The following COL5A3 variants were observed in gnomAD, a reference collection of about 807,000 sequenced individuals.
The protein encoded by COL5A3 is collagen alpha-3(V) chain.
COL5A3 carries 172 observed loss-of-function variants against 250.0 expected under a neutral mutation model. That is an observed-to-expected ratio of 0.69 (90% CI 0.61 to 0.78). COL5A3 has a LOEUF of 0.78. COL5A3 is among the 30% of genes least tolerant of loss of function. The pLI is 0.00. For missense variants in COL5A3, 2,340 were observed against 2,334.4 expected, an observed-to-expected ratio of 1.00 and a Z score of -0.05; for synonymous variants, 937 against 900.4, an observed-to-expected ratio of 1.04 and a Z score of -0.73.
Position 9,967,333 on chromosome 19 carries a change from C to G in COL5A3, c.4458+14G>C. On this transcript the variant is annotated intron_variant, in intron 62 of 66. Transcript: ENST00000264828. ...GGTTTTGGTGTCCATTCCCCCGCCC[C>G]CCGGGGAACTCACCGGGGGGCCTGG... 2 of 1,425,404 alleles carry G rather than the reference C, an allele frequency of 1.4e-6. No individual in the cohort carries two copies. The highest frequency in any genetic ancestry group is 1.7e-5 in the South Asian group (1 of 60,466). 88.3% of individuals were successfully genotyped at this position (1,425,404 alleles called of 1,614,324 possible). A position where few individuals can be genotyped will look rare whatever the true frequency, so the allele number is the denominator to read the frequency against.
rs750139945 is a variant in COL5A3, at chr19:9,985,717, T to C, written c.2406+125A>G. On this transcript the variant is annotated intron_variant, in intron 31 of 66. Transcript: ENST00000264828. Reference sequence around the variant, plus strand: ...CACTATGCCTGGCCAAAGCCCACATTTTACATTCTCTCAGTGACCCTTGGG... The same window carrying C: ...CACTATGCCTGGCCAAAGCCCACATCTTACATTCTCTCAGTGACCCTTGGG... The C allele has an allele frequency of 1.2e-4, 104 of 864,158 alleles. No homozygotes were observed. The highest frequency in any genetic ancestry group is 1.9e-4 in the Non-Finnish European group (102 of 538,090). 53.5% of individuals were successfully genotyped at this position (864,158 alleles called of 1,614,324 possible). A position where few individuals can be genotyped will look rare whatever the true frequency, so the allele number is the denominator to read the frequency against.
In COL5A3 at chr19:9,977,220, T is replaced by G; in HGVS notation, c.3288+9A>C. ...ACCCCACCCTGCCCCACTGGGGACC[T>G]TCACTCACCGCGTCTCCTTTATCGC... On this transcript the variant is annotated intron_variant, in intron 44 of 66. Transcript: ENST00000264828. The G allele has an allele frequency of 2.0e-6, 3 of 1,531,842 alleles. No homozygotes were observed. The highest frequency in any genetic ancestry group is 2.7e-6 in the Non-Finnish European group (3 of 1,105,536). 94.9% of individuals were successfully genotyped at this position (1,531,842 alleles called of 1,614,324 possible). A position where few individuals can be genotyped will look rare whatever the true frequency, so the allele number is the denominator to read the frequency against.
chr19:9,974,484 CTG>C (rs1568411409), intron 45 of COL5A3, 76 bp from the exon 46 acceptor site: 1 of 1,144,442 alleles, frequency 8.7e-7, no homozygotes, highest in Non-Finnish European at 1.2e-6. Flanking sequence ...AGGGTCAAGA[CTG>C]AGGTTAAGGG....
intron 41 of COL5A3, 43 bp downstream of exon 41, chr19:9,978,531 C>G (rs760234272): frequency 1.5e-6 from 2 of 1,347,138 alleles, no homozygotes; most frequent in Non-Finnish European, 2.1e-6. Flanking sequence ...CACCTTGAGT[C>G]CCCTCCACCC....
chr19:9,980,605 C>T lies in COL5A3; in HGVS notation c.2604+43G>A, dbSNP rs112901725. 8.9e-6 allele frequency: 14 copies of T among 1,567,498 alleles called. No individual in the cohort carries two copies. In the African/African-American group the frequency reaches 2.2e-4, roughly 25 times the overall value. On this transcript the variant is annotated intron_variant, in intron 35 of 66. Coordinates refer to ENST00000264828, the MANE Select transcript of COL5A3 (RefSeq NM_015719.4). ...CTCCACTCAGAATCTCTCTCTCTCA[C>T]ACACACACACATTCACACACACACA...
Position 10,006,241 on chromosome 19 carries a change from A to C in COL5A3, c.89-10T>G, listed in dbSNP as rs890269603. 1 of 1,586,540 alleles carries C rather than the reference A, an allele frequency of 6.3e-7. No individual in the cohort carries two copies. Among genetic ancestry groups the C allele is most frequent in the African/African-American group, 1.3e-5 (1 of 74,792 alleles). On this transcript the variant is annotated splice_polypyrimidine_tract_variant and intron_variant, in intron 1 of 66. Transcript: ENST00000264828. ...AGGACATCCACAGGATCTGCAGCAG[A>C]GAGAAGCCGGGGGTGTCAGGCAGAG...
intron 8 of COL5A3, among the ~76,000 whole-genome samples, chr19:9,998,828 G>T (rs984802432): frequency 2.6e-5 from 4 of 151,936 alleles, no homozygotes; most frequent in African/African-American, 9.7e-5. Flanking sequence ...GGGACTACAG[G>T]TGCCCGCCAA....
In COL5A3 at chr19:10,005,792, T is replaced by A; in HGVS notation, c.437+4A>T. The A allele has an allele frequency of 6.2e-7, 1 of 1,608,038 alleles. No homozygotes were observed. ...GGACCCCCGCCCACTCTCCCCATGCTCACCTGCCATCTGTGAGGTTGACCT... is the reference window on the plus strand; with the variant it reads ...GGACCCCCGCCCACTCTCCCCATGCACACCTGCCATCTGTGAGGTTGACCT... On this transcript the variant is annotated splice_donor_region_variant and intron_variant, in intron 3 of 66. Transcript: ENST00000264828.
rs2086791171 is a variant in COL5A3 at position 9,968,867 on chromosome 19, A to T, written c.4153-139T>A. The T allele has an allele frequency of 1.3e-6, 1 of 760,608 alleles. No homozygotes were observed. Among genetic ancestry groups the T allele is most frequent in the East Asian group, 2.7e-5 (1 of 37,094 alleles). 47.1% of individuals were successfully genotyped at this position (760,608 alleles called of 1,614,324 possible). The stretch of plus-strand genomic sequence containing the variant: ...AGGGATGAGGTCAAGGGATGGTCAG[A>T]GTAGGCCACCAAGGTGGGATGATGA... On this transcript the variant is annotated intron_variant, in intron 57 of 66. Coordinates refer to ENST00000264828, the MANE Select transcript of COL5A3 (RefSeq NM_015719.4). This position sits in a 1 kb window ranked among gnomAD's most constrained non-coding sequence, Gnocchi z 4.1.
rs766518113 is a variant in COL5A3, at chr19:9,986,398, G to C, written c.2269C>G (p.Arg757Gly). ...GGCCCCTCAGGACCATCCTCTCCCC[G>C]GGGACCTGGAGCTCCGGGTTTCCCC... The part of the protein sequence containing the change: ...DQGKPGAPGP[R>G]GEDGPEGPKG... The change falls in exon 30 of 67, where the codon CGG (arginine) becomes GGG (glycine). Residue 757 changes from arginine to glycine, a missense_variant. By Grantham distance (125) the Arg-to-Gly change is moderately radical. This residue lies in a region of COL5A3 where 1,152 missense variants were observed against 1,146.3 expected (regional missense o/e 1.00). Coordinates refer to ENST00000264828, the MANE Select transcript of COL5A3 (RefSeq NM_015719.4). 6.2e-7 allele frequency: 1 copy of C among 1,611,776 alleles called. No individual in the cohort carries two copies. Among genetic ancestry groups the C allele is most frequent in the Non-Finnish European group, 8.5e-7 (1 of 1,179,840 alleles).
Position 9,979,257 on chromosome 19 carries a change from T to A in COL5A3, c.2767-18A>T. On this transcript the variant is annotated intron_variant, in intron 38 of 66. Transcript: ENST00000264828. ...GTCTTTCCCTGGTGAGGAAGAAGGCTCCTGTTGAGTGGGGGTGGCCTAGGG... is the reference window on the plus strand; with the variant it reads ...GTCTTTCCCTGGTGAGGAAGAAGGCACCTGTTGAGTGGGGGTGGCCTAGGG... 6.2e-7 allele frequency: 1 copy of A among 1,604,172 alleles called. No individual in the cohort carries two copies. Among genetic ancestry groups the A allele is most frequent in the Non-Finnish European group, 8.5e-7 (1 of 1,172,092 alleles).
In COL5A3 at chr19:9,977,600, CCCCTTCTTGCCTG is replaced by C; in HGVS notation, c.3107_3119del (p.Ala1036GlyfsTer104). The C allele has an allele frequency of 6.3e-7, 1 of 1,586,934 alleles. No homozygotes were observed. Among genetic ancestry groups the C allele is most frequent in the Non-Finnish European group, 8.6e-7 (1 of 1,166,782 alleles). ...GGATGGGCAAGTCACTTACCCGGGA[CCCCTTCTTGCCTG>C]CAGGGCCAACGGGGCCTTCGCTGCC... is the stretch of plus-strand genomic sequence containing the variant. On this transcript the variant is annotated frameshift_variant, in exon 42 of 67. Transcript: ENST00000264828. LOFTEE classifies it high-confidence loss of function.
rs899035680 is a variant in COL5A3 at position 9,970,824 on chromosome 19, C to T, written c.3883-149G>A. ...CTCCCACCTACTCCCTCAAGCTGCT[C>T]ACATTCCTGGGGGTCCCCAGAGAGG... On this transcript the variant is annotated intron_variant, in intron 53 of 66. Coordinates refer to ENST00000264828, the MANE Select transcript of COL5A3 (RefSeq NM_015719.4). 23 of 1,042,988 alleles carry T rather than the reference C, an allele frequency of 2.2e-5. No individual in the cohort carries two copies. In the African/African-American group the frequency reaches 3.7e-4, roughly 17 times the overall value. The allele number at this position is 1,042,988 out of a possible 1,614,324, so 64.6% of individuals were successfully genotyped here.
intron 27 of COL5A3, among the ~76,000 whole-genome samples, chr19:9,987,926 C>T (rs1008516975): frequency 2.6e-5 from 4 of 151,638 alleles, no homozygotes; most frequent in Non-Finnish European, 5.9e-5. Context: ...CAGAGAAGAC[C>T]CTGTCTCTAA....
chr19:9,987,512 G>T (rs2087116488), intron 27 of COL5A3, among the ~76,000 whole-genome samples: 1 of 152,072 alleles, frequency 6.6e-6, no homozygotes, highest in Non-Finnish European at 1.5e-5. Context: ...AGAGGCTGGA[G>T]GATTGCTTGA....
chr19:9,977,469 C>T lies in COL5A3; in HGVS notation c.3130G>A (p.Glu1044Lys). 1.3e-6 allele frequency: 2 copies of T among 1,517,346 alleles called. No homozygotes were observed. The highest frequency in any genetic ancestry group is 1.8e-6 in the Non-Finnish European group (2 of 1,133,410). The allele number at this position is 1,517,346 out of a possible 1,614,324, so 94.0% of individuals were successfully genotyped here. Reference protein sequence around the residue: ...GPAGKKGSRGERGPPGPTGKD... With the variant: ...GPAGKKGSRGKRGPPGPTGKD... ...CCAGTGGGGCCAGGGGGGCCACGTT[C>T]TCCCTGTTGTGGGGAATGGAAAGGG... The change falls in exon 43 of 67, where the codon GAA (glutamate) becomes AAA (lysine). Residue 1044 changes from glutamate (E) to lysine (K), a missense_variant. Around this residue, in one of 3 missense-constraint regions of COL5A3, gnomAD observed 1,179 missense variants for 1,162.6 expected, o/e 1.01. Transcript: ENST00000264828.
chr19:9,967,171 C>T (rs2145056227), intron 62 of COL5A3, among the ~76,000 whole-genome samples, 176 bp downstream of exon 62: 1 of 152,274 alleles, frequency 6.6e-6, no homozygotes, highest in East Asian at 1.9e-4. Flanking sequence ...CCCTCCCAGG[C>T]CAGACCTTCC....
chr19:9,983,924 A>G (rs993618714), intron 31 of COL5A3, among the ~76,000 whole-genome samples: 1 of 151,468 alleles, frequency 6.6e-6, no homozygotes, highest in Non-Finnish European at 1.5e-5. Context: ...AAAAAAAAAA[A>G]ACCACTGTCA....
At chr19:9,991,011 G>A (rs994997120) in intron 24 of COL5A3, among the ~76,000 whole-genome samples, 9 of 152,292 alleles carry the variant, frequency 5.9e-5, no homozygotes, top group African/African-American at 2.2e-4. Flanking sequence ...AACTGCATGA[G>A]CCCAGGAGTT....
Sources: gnomAD v4.1 joint callset for allele counts (sites outside exome capture counted in the v4.1 genomes callset) on GRCh38, gnomAD v4.1.1 for gene constraint, gnomAD v4.1.1 regional missense constraint, Gnocchi (gnomAD v3.1) non-coding constraint, MANE v1.5 for transcripts, NCBI Gene and HGNC (gene_info 2026-07-23, HGNC 2026-07-21) for gene names.